TASP1: variants seen among roughly 807,000 people sequenced by gnomAD.
TASP1 encodes threonine aspartase 1.
TASP1 carries 16 observed loss-of-function variants against 56.6 expected under a neutral mutation model. The ratio of observed to expected loss-of-function variants is 0.28; its 90% CI spans 0.19 to 0.43. TASP1 has a LOEUF of 0.43. Ranked by LOEUF, TASP1 falls within the 20% of genes least tolerant of loss-of-function variation. TASP1 has a pLI of 1.00. For missense variants in TASP1, 393 were observed against 511.6 expected, an observed-to-expected ratio of 0.77 and a Z score of 2.24; for synonymous variants, 179 against 184.2, an observed-to-expected ratio of 0.97 and a Z score of 0.23.
At chr20:13,114,234 A>G in the TASP1 span, among the ~76,000 whole-genome samples, 12 of 152,368 alleles carry the variant, frequency 7.9e-5, no homozygotes, top group South Asian at 2.1e-4. Context: ...CCAAAGTTTC[A>G]TGAATGCATG....
the TASP1 span, among the ~76,000 whole-genome samples, chr20:13,171,705 C>T: frequency 1.3e-5 from 2 of 152,222 alleles, no homozygotes; most frequent in African/African-American, 4.8e-5. Context: ...CATCAGTCAA[C>T]ATGGCTCTCG....
the TASP1 span, among the ~76,000 whole-genome samples, chr20:13,216,925 T>C: frequency 6.6e-6 from 1 of 152,170 alleles, no homozygotes; most frequent in Non-Finnish European, 1.5e-5. Context: ...CCATATTCTA[T>C]TGGCCAGAAT....
At position 13,389,887 on chromosome 20, in the gene TASP1, A is replaced by T. The variant is rs1445268093; in HGVS notation, c.*473T>A. 3 of 157,834 alleles carry T rather than the reference A, an allele frequency of 1.9e-5. No individual in the cohort carries two copies. The highest frequency in any genetic ancestry group is 1.9e-4 in the South Asian group (1 of 5,318). The allele number at this position is 157,834 out of a possible 1,614,324, so 9.8% of individuals were successfully genotyped here. On this transcript the variant is annotated 3_prime_UTR_variant, in exon 14 of 14. Coordinates refer to ENST00000337743, the MANE Select transcript of TASP1 (RefSeq NM_017714.3). The stretch of plus-strand genomic sequence containing the variant: ...AAACACTTTATTACTTATTACTGTT[A>T]TTAAATGGAGCACTACCACTGTCAA...
At chr20:13,591,914 T>C (rs925110433) in intron 4 of TASP1, among the ~76,000 whole-genome samples, 1 of 152,036 alleles carries the variant, frequency 6.6e-6, no homozygotes, top group African/African-American at 2.4e-5. Flanking sequence ...AAAAGTGTAT[T>C]TTGCAAATGG....
intron 10 of TASP1, among the ~76,000 whole-genome samples, chr20:13,501,262 C>A (rs1004389365): frequency 5.3e-5 from 8 of 151,930 alleles, no homozygotes; most frequent in African/African-American, 1.9e-4. Flanking sequence ...AGAGAGAACC[C>A]TGAGCTCTTT....
At chr20:13,497,359 A>C (rs1369952953) in intron 10 of TASP1, among the ~76,000 whole-genome samples, 1 of 152,236 alleles carries the variant, frequency 6.6e-6, no homozygotes, top group Non-Finnish European at 1.5e-5. Flanking sequence ...ATCTTCCCTA[A>C]GTGCACTGCA....
the TASP1 span, among the ~76,000 whole-genome samples, chr20:13,263,607 G>A: frequency 6.6e-6 from 1 of 152,158 alleles, no homozygotes; most frequent in Non-Finnish European, 1.5e-5. Context: ...ATTTTTAGAT[G>A]TGTGGAACTG....
chr20:13,297,757 G>A, the TASP1 span, among the ~76,000 whole-genome samples: 14 of 152,224 alleles, frequency 9.2e-5, no homozygotes, highest in Admixed American at 8.5e-4. Flanking sequence ...ATTTATAATT[G>A]GAATAACCTA....
chr20:13,493,568 G>A (rs2043618995), intron 10 of TASP1, among the ~76,000 whole-genome samples: 1 of 152,098 alleles, frequency 6.6e-6, no homozygotes, highest in African/African-American at 2.4e-5. Context: ...GGGGGCTCTT[G>A]GGCCTTTGGC....
the TASP1 span, among the ~76,000 whole-genome samples, chr20:13,286,875 C>T: frequency 5.9e-5 from 9 of 152,210 alleles, no homozygotes; most frequent in African/African-American, 1.9e-4. Flanking sequence ...TACTCCCTCC[C>T]GGCAAGGGGC....
the TASP1 span, among the ~76,000 whole-genome samples, chr20:13,265,465 C>A: frequency 7.9e-5 from 12 of 152,112 alleles, no homozygotes; most frequent in Non-Finnish European, 5.9e-5. Context: ...TGTCCAAATT[C>A]TCTGATCTGT....
At chr20:13,274,271 G>T in the TASP1 span, among the ~76,000 whole-genome samples, 1 of 152,102 alleles carries the variant, frequency 6.6e-6, no homozygotes, top group African/African-American at 2.4e-5. Flanking sequence ...TTCTTTTGTT[G>T]AAATCCACTG....
At chr20:13,506,856 C>A in intron 10 of TASP1, among the ~76,000 whole-genome samples, 1 of 146,126 alleles carries the variant, frequency 6.8e-6, no homozygotes, top group South Asian at 2.2e-4. Context: ...CACAGTACTG[C>A]AAGTCTTAGC....
At chr20:13,477,265 A>G (rs1419273354) in intron 11 of TASP1, among the ~76,000 whole-genome samples, 2 of 152,148 alleles carry the variant, frequency 1.3e-5, no homozygotes, top group Non-Finnish European at 2.9e-5. Context: ...CATCTCCCCA[A>G]AAGAATGAAG....
rs577394817 is a variant in TASP1, at chr20:13,559,907, C to T, written c.569-793G>A. Among the ~76,000 whole-genome samples the T allele has an allele frequency of 3.7e-4, 57 of 152,030 alleles. 3 individuals carry two copies. The highest frequency in any genetic ancestry group is 1.3e-3 in the African/African-American group (54 of 41,458). On this transcript the variant is annotated intron_variant, in intron 7 of 13. Transcript: ENST00000337743. ...TAAACTACCAAGAATAAAAGCCAGC[C>T]GAATATCAGAAAGCATAACCTGACC...
chr20:13,371,582 C>T, the TASP1 span, among the ~76,000 whole-genome samples: 9 of 152,082 alleles, frequency 5.9e-5, no homozygotes, highest in Admixed American at 5.9e-4. Context: ...ACAGTCTATT[C>T]TGGTGAATGT....
intron 11 of TASP1, among the ~76,000 whole-genome samples, chr20:13,446,754 T>C (rs570141727): frequency 1.4e-4 from 21 of 152,304 alleles, no homozygotes; most frequent in African/African-American, 4.8e-4. Context: ...AATCTGGGCA[T>C]TTTTAAAACT....
chr20:13,274,245 C>A, the TASP1 span, among the ~76,000 whole-genome samples: 4 of 152,162 alleles, frequency 2.6e-5, no homozygotes, highest in African/African-American at 9.7e-5. Flanking sequence ...GCCCTCACCC[C>A]TTCCTCAGAG....
chr20:13,400,083 C>T (rs1404964474), intron 13 of TASP1, among the ~76,000 whole-genome samples: 1 of 152,196 alleles, frequency 6.6e-6, no homozygotes, highest in Non-Finnish European at 1.5e-5. Context: ...CTTTTTAGCA[C>T]TTATCACAAA....
Sources: gnomAD v4.1 joint callset for allele counts (sites outside exome capture counted in the v4.1 genomes callset) on GRCh38, gnomAD v4.1.1 for gene constraint, MANE v1.5 for transcripts, NCBI Gene and HGNC (gene_info 2026-07-23, HGNC 2026-07-21) for gene names.